The following ATP8B4 variants were observed in gnomAD, a reference collection of about 807,000 sequenced individuals.
ATP8B4 encodes the protein probable phospholipid-transporting ATPase IM.
In ATP8B4, 133 loss-of-function variants were observed where a neutral mutation model predicts 145.6. The observed-to-expected ratio is 0.91, with a 90% CI of 0.79 to 1.05. The LOEUF (loss-of-function observed/expected upper bound fraction) is 1.05, where lower values mean the gene tolerates loss of function less well. ATP8B4 is among the 50% of genes least tolerant of loss of function. The pLI is 0.00. For missense variants in ATP8B4, 1,458 were observed against 1,425.2 expected (o/e 1.02, Z -0.37); for synonymous variants, 507 against 492.9 (o/e 1.03, Z -0.38).
intron 20 of ATP8B4, among the ~76,000 whole-genome samples, chr15:49,912,023 C>T (rs764570731): frequency 5.9e-5 from 9 of 152,086 alleles, no homozygotes; most frequent in Non-Finnish European, 1.0e-4. Context: ...CTATGGAATA[C>T]AGCAAAAGCA....
At chr15:50,090,134 T>C (rs1322745761) in intron 2 of ATP8B4, among the ~76,000 whole-genome samples, 1 of 152,078 alleles carries the variant, frequency 6.6e-6, no homozygotes, top group African/African-American at 2.4e-5. Context: ...ACATCGCATG[T>C]TCTCACTTAC....
chr15:50,009,440 C>T (rs1011576306), intron 7 of ATP8B4: 2 of 246,382 alleles, frequency 8.1e-6, no homozygotes, highest in African/African-American at 2.3e-5. Context: ...AGAAGAGAAT[C>T]ACAGCATGGA....
Position 49,985,717 on chromosome 15 carries a change from T to C in ATP8B4, c.748+1674A>G, listed in dbSNP as rs758581471. Among the ~76,000 whole-genome samples the C allele has an allele frequency of 2.6e-5, 4 of 152,156 alleles. No homozygotes were observed. In the South Asian group the frequency reaches 6.2e-4, roughly 24 times the overall value. On this transcript the variant is annotated intron_variant, in intron 10 of 27. Coordinates refer to ENST00000284509, the MANE Select transcript of ATP8B4 (RefSeq NM_024837.4). ...CAAGGTCCAGAGAGCAGTAAGTTTT[T>C]CCAACTCTCAGCCTAGAGAGCAGGC...
At chr15:49,946,068 G>C (rs1442244114) in intron 14 of ATP8B4, among the ~76,000 whole-genome samples, 2 of 152,132 alleles carry the variant, frequency 1.3e-5, no homozygotes, top group Non-Finnish European at 2.9e-5. Context: ...ATGTCCCTAT[G>C]TGAAGATGAT....
chr15:50,158,101 G>A (rs1365848188), intron 1 of ATP8B4, among the ~76,000 whole-genome samples: 7 of 152,150 alleles, frequency 4.6e-5, no homozygotes, highest in Non-Finnish European at 8.8e-5. Context: ...ATCTCGGCTC[G>A]CTACAACCTC....
chr15:50,038,687 A>T, intron 6 of ATP8B4, 81 bp downstream of exon 6: 2 of 1,090,396 alleles, frequency 1.8e-6, no homozygotes, highest in Non-Finnish European at 2.7e-6. Context: ...GTATCTAATT[A>T]AAAGAGAAAG....
chr15:49,884,375 T>C (rs1473585808), intron 23 of ATP8B4, among the ~76,000 whole-genome samples: 1 of 152,072 alleles, frequency 6.6e-6, no homozygotes, highest in African/African-American at 2.4e-5. Context: ...TCGAGGCTAG[T>C]GGATCACTTG....
Position 49,996,779 on chromosome 15 carries a change from A to G in ATP8B4, c.507-20T>C, listed in dbSNP as rs2047464324. ...GTTTCCCTGTGAAATTATTGACATG[A>G]CATGAATTTTTATATGGAACAGCCC... On this transcript the variant is annotated intron_variant, in intron 8 of 27. Coordinates refer to ENST00000284509, the MANE Select transcript of ATP8B4 (RefSeq NM_024837.4). The G allele has an allele frequency of 1.3e-6, 2 of 1,593,924 alleles. No homozygotes were observed. The highest frequency in any genetic ancestry group is 2.7e-5 in the African/African-American group (2 of 74,540).
At chr15:49,986,667 C>A (rs1236215634) in intron 10 of ATP8B4, among the ~76,000 whole-genome samples, 1 of 152,214 alleles carries the variant, frequency 6.6e-6, no homozygotes, top group Non-Finnish European at 1.5e-5. Flanking sequence ...CAAAACACAT[C>A]TTAATTTGGT....
chr15:50,162,277 G>T (rs1001966726), intron 1 of ATP8B4, among the ~76,000 whole-genome samples: 6 of 151,270 alleles, frequency 4.0e-5, no homozygotes, highest in African/African-American at 1.5e-4. Flanking sequence ...AATCTGCTTG[G>T]TGTTCTATAA....
At chr15:50,016,832 G>T (rs2049129540) in intron 6 of ATP8B4, among the ~76,000 whole-genome samples, 1 of 152,148 alleles carries the variant, frequency 6.6e-6, no homozygotes, top group African/African-American at 2.4e-5. Flanking sequence ...GGGGGATGTG[G>T]GTGGCACAGC....
intron 6 of ATP8B4, among the ~76,000 whole-genome samples, chr15:50,035,752 C>T (rs2050786618): frequency 6.6e-6 from 1 of 152,188 alleles, no homozygotes; most frequent in Non-Finnish European, 1.5e-5. Context: ...CTTACAAGGA[C>T]CCAGGTTTCC....
Position 49,860,446 on chromosome 15 carries a change from C to G in ATP8B4, c.3327G>C (p.Lys1109Asn). ...QIRRWQKAQK[K>N]ARPPSSRRPR... ...GCCTTCGGCTACTTGGAGGCCTTGC[C>G]TTCTTTTGAGCCTTCTGCCACCGGC... The change falls in exon 28 of 28, where the codon AAG (lysine) becomes AAC (asparagine). Residue 1109 changes from lysine (K) to asparagine (N), a missense_variant. Physicochemically the swap from Lys to Asn is moderately conservative, Grantham distance 94 (BLOSUM62 0). Coordinates refer to ENST00000284509, the MANE Select transcript of ATP8B4 (RefSeq NM_024837.4). 6.2e-7 allele frequency: 1 copy of G among 1,612,840 alleles called. No homozygotes were observed. Among genetic ancestry groups the G allele is most frequent in the Non-Finnish European group, 8.5e-7 (1 of 1,179,638 alleles).
At chr15:50,124,861 C>T (rs1349352647) in intron 1 of ATP8B4, among the ~76,000 whole-genome samples, 1 of 152,116 alleles carries the variant, frequency 6.6e-6, no homozygotes, top group Non-Finnish European at 1.5e-5. Flanking sequence ...ACTAGATGAC[C>T]CAGCTTTAAA....
intron 13 of ATP8B4, among the ~76,000 whole-genome samples, chr15:49,965,983 G>T (rs903696411): frequency 2.4e-4 from 37 of 152,130 alleles, no homozygotes; most frequent in Non-Finnish European, 5.0e-4. Flanking sequence ...GCAGAAATAG[G>T]GTGGGGTGTC....
chr15:50,124,604 T>C (rs1383952303), intron 1 of ATP8B4, among the ~76,000 whole-genome samples: 1 of 134,694 alleles, frequency 7.4e-6, no homozygotes, highest in Non-Finnish European at 1.7e-5. Context: ...GGTAAGATTT[T>C]TAAAAAGAAA....
At chr15:50,156,521 T>C (rs182042755) in intron 1 of ATP8B4, among the ~76,000 whole-genome samples, 159 of 152,262 alleles carry the variant, frequency 1.0e-3, no homozygotes, top group African/African-American at 3.7e-3. Flanking sequence ...TTGGCTGGAA[T>C]ATCATAAGCA....
At position 49,987,406 on chromosome 15, in the gene ATP8B4, T is replaced by C. The variant is rs369193446; in HGVS notation, c.733A>G (p.Met245Val). 6.2e-7 allele frequency: 1 copy of C among 1,613,590 alleles called. No homozygotes were observed. The highest frequency in any genetic ancestry group is 1.3e-5 in the African/African-American group (1 of 74,894). Reference protein sequence around the residue: ...ILRNTSWCFGMVIFAGPDTKL... With the variant: ...ILRNTSWCFGVVIFAGPDTKL... ...CATGCTGTACCTGCAAAAATAACCA[T>C]TCCAAAACACCAGCTGGTATTTCTC... Residue 245 changes from methionine (M) to valine (V), a missense_variant, in exon 10 of 28, where the codon ATG becomes GTG. Coordinates refer to ENST00000284509, the MANE Select transcript of ATP8B4 (RefSeq NM_024837.4).
At chr15:50,088,205 G>A (rs148278555) in intron 2 of ATP8B4, among the ~76,000 whole-genome samples, 1,622 of 152,168 alleles carry the variant, frequency 0.011, 29 homozygotes, top group African/African-American at 0.037. Flanking sequence ...GACCAACATG[G>A]TGAAACCACA....
Sources: allele counts gnomAD v4.1 joint callset (sites outside exome capture counted in the v4.1 genomes callset), GRCh38; gene constraint gnomAD v4.1.1; transcripts MANE v1.5; gene names NCBI Gene and HGNC (gene_info 2026-07-23, HGNC 2026-07-21).